The following ADAMTS17 variants were observed in gnomAD, a reference collection of about 807,000 sequenced individuals.
The protein encoded by ADAMTS17 is ADAM metallopeptidase with thrombospondin type 1 motif 17.
In ADAMTS17, 113 loss-of-function variants were observed where a neutral mutation model predicts 141.5. The ratio of observed to expected loss-of-function variants is 0.80; its 90% CI spans 0.69 to 0.93. The LOEUF is 0.93. Among genes scored for constraint, ADAMTS17 ranks in the 40% least tolerant of loss-of-function variants. ADAMTS17 has a pLI of 0.00. For missense variants in ADAMTS17, 1,659 were observed against 1,517.9 expected (o/e 1.09, Z -1.54); for synonymous variants, 768 against 630.6 (o/e 1.22, Z -3.27).
intron 8 of ADAMTS17, among the ~76,000 whole-genome samples, chr15:100,167,494 C>G (rs1425547044): frequency 6.6e-6 from 1 of 152,132 alleles, no homozygotes; most frequent in African/African-American, 2.4e-5. Context: ...ATTTCTTAGA[C>G]TTGAAGAGTC....
At chr15:100,167,494 C>T (rs1425547044) in intron 8 of ADAMTS17, among the ~76,000 whole-genome samples, 1 of 152,132 alleles carries the variant, frequency 6.6e-6, no homozygotes, top group African/African-American at 2.4e-5. Context: ...ATTTCTTAGA[C>T]TTGAAGAGTC....
chr15:100,223,247 C>T (rs551747547), intron 7 of ADAMTS17, among the ~76,000 whole-genome samples: 3 of 152,296 alleles, frequency 2.0e-5, no homozygotes, highest in South Asian at 4.1e-4. Flanking sequence ...ACTGCTGCCA[C>T]GTGGGGATGT....
chr15:100,133,403 T>C lies in ADAMTS17; in HGVS notation c.1474-88A>G, dbSNP rs1035013167. On this transcript the variant is annotated intron_variant, in intron 10 of 21. Transcript: ENST00000268070. ...GGTCAGAGGTGTGGCCCAACCACTG[T>C]TTCAAATTTGGGATTCGAAACGTAT... The C allele has an allele frequency of 3.6e-6, 5 of 1,372,350 alleles. No individual in the cohort carries two copies. In the African/African-American group the frequency reaches 5.8e-5, roughly 16 times the overall value. 85.0% of individuals were successfully genotyped at this position (1,372,350 alleles called of 1,614,324 possible).
At position 100,056,945 on chromosome 15, in the gene ADAMTS17, C is replaced by T. The variant is rs141087910; in HGVS notation, c.2138-2891G>A. 2.0e-3 allele frequency among the ~76,000 whole-genome samples: 308 copies of T among 152,044 alleles called. 1 individual carries two copies. The highest frequency in any genetic ancestry group is 6.7e-3 in the African/African-American group (278 of 41,484). ...TCCGGGGCCTGGGAATGTTGTGGGA[C>T]GGGGCAGATGGGGAAGGCTTCCTGG... is the stretch of plus-strand genomic sequence containing the variant. On this transcript the variant is annotated intron_variant, in intron 15 of 21. Transcript: ENST00000268070.
At chr15:100,319,225 T>C (rs1365653897) in intron 3 of ADAMTS17, among the ~76,000 whole-genome samples, 1 of 152,130 alleles carries the variant, frequency 6.6e-6, no homozygotes, top group Non-Finnish European at 1.5e-5. Context: ...AAGGACAGTG[T>C]CCTGTAAATG....
intron 8 of ADAMTS17, among the ~76,000 whole-genome samples, chr15:100,160,963 C>T (rs1398203487): frequency 6.6e-6 from 1 of 152,104 alleles, no homozygotes; most frequent in Non-Finnish European, 1.5e-5. Context: ...AAGTTTATGT[C>T]CCAGGGCATT....
At chr15:100,102,614 G>C (rs576471587) in intron 14 of ADAMTS17, among the ~76,000 whole-genome samples, 1 of 151,362 alleles carries the variant, frequency 6.6e-6, no homozygotes, top group Non-Finnish European at 1.5e-5. Flanking sequence ...TTTGAAGGCC[G>C]ACTGAAAGGG....
chr15:100,138,601 C>T (rs185313976), intron 10 of ADAMTS17, among the ~76,000 whole-genome samples: 2 of 152,110 alleles, frequency 1.3e-5, no homozygotes, highest in African/African-American at 2.4e-5. Flanking sequence ...AGAGGAAAGG[C>T]GGTGGGGAAT....
intron 3 of ADAMTS17, among the ~76,000 whole-genome samples, chr15:100,288,670 T>C (rs1208437606): frequency 2.0e-5 from 3 of 152,206 alleles, no homozygotes; most frequent in Admixed American, 2.0e-4. Flanking sequence ...TCAGTCACAC[T>C]GTCAGAACAG....
chr15:100,258,254 C>T (rs1210281278), intron 6 of ADAMTS17, among the ~76,000 whole-genome samples: 5 of 152,158 alleles, frequency 3.3e-5, no homozygotes, highest in Admixed American at 6.5e-5. Context: ...AGTGGGATCA[C>T]GTGGTAACTC....
At chr15:100,171,580 G>T (rs1383868273) in intron 8 of ADAMTS17, among the ~76,000 whole-genome samples, 1 of 152,148 alleles carries the variant, frequency 6.6e-6, no homozygotes, top group Non-Finnish European at 1.5e-5. Context: ...GGCGGGCCCA[G>T]CTTGCAGGTC....
At chr15:100,254,042 G>A in intron 7 of ADAMTS17, 94 bp downstream of exon 7, 1 of 1,233,582 alleles carries the variant, frequency 8.1e-7, no homozygotes, top group Non-Finnish European at 1.2e-6. Flanking sequence ...TGCAGTGCTT[G>A]TTTGAGGACA....
intron 20 of ADAMTS17, among the ~76,000 whole-genome samples, chr15:99,977,059 G>A (rs997508214): frequency 1.3e-5 from 2 of 152,104 alleles, no homozygotes; most frequent in East Asian, 1.9e-4. Flanking sequence ...TGGGCATGGA[G>A]AAGAGCCCAG....
intron 3 of ADAMTS17, among the ~76,000 whole-genome samples, chr15:100,322,744 C>T (rs1405423001): frequency 1.3e-5 from 2 of 152,186 alleles, no homozygotes; most frequent in African/African-American, 4.8e-5. Context: ...ACTGACACTA[C>T]TTAAAAAATG....
intron 15 of ADAMTS17, among the ~76,000 whole-genome samples, chr15:100,060,352 A>T (rs1005067305): frequency 1.3e-5 from 2 of 152,142 alleles, no homozygotes; most frequent in Non-Finnish European, 2.9e-5. Flanking sequence ...AATGAGCTGG[A>T]GTGTGAGGTT....
At chr15:100,233,335 A>G (rs986949662) in intron 7 of ADAMTS17, among the ~76,000 whole-genome samples, 3 of 151,928 alleles carry the variant, frequency 2.0e-5, no homozygotes, top group Non-Finnish European at 4.4e-5. Flanking sequence ...CATCTCAAAA[A>G]AAAAAAAAAT....
intron 14 of ADAMTS17, among the ~76,000 whole-genome samples, chr15:100,103,542 C>T (rs918413848): frequency 6.6e-6 from 1 of 151,750 alleles, no homozygotes; most frequent in African/African-American, 2.4e-5. Context: ...CACTGAAATC[C>T]TAAGAACACA....
In ADAMTS17 at chr15:100,152,653, T is replaced by C. The variant is rs531412790; in HGVS notation, c.1432A>G (p.Ile478Val). Residue 478 changes from isoleucine (I) to valine (V), a missense_variant, in exon 10 of 22, where the codon ATC becomes GTC. Coordinates refer to ENST00000268070, the MANE Select transcript of ADAMTS17 (RefSeq NM_139057.4). ...AAGGTGGCATTCATGCCAAACAGGA[T>C]CTGGCACTGCTCGTTGGCACTGTAG... is the stretch of plus-strand genomic sequence containing the variant. ...MHYSANEQCQ[I>V]LFGMNATFCR... 2 of 1,614,108 alleles carry C rather than the reference T, an allele frequency of 1.2e-6. No homozygotes were observed. The highest frequency in any genetic ancestry group is 2.2e-5 in the South Asian group (2 of 91,086).
At chr15:100,052,099 C>A (rs978857349) in intron 16 of ADAMTS17, among the ~76,000 whole-genome samples, 3 of 152,248 alleles carry the variant, frequency 2.0e-5, no homozygotes, top group Non-Finnish European at 4.4e-5. Context: ...ACCCACAAAG[C>A]TGCCCTTGCA....
Sources: gnomAD v4.1 joint callset for allele counts (sites outside exome capture counted in the v4.1 genomes callset) on GRCh38, gnomAD v4.1.1 for gene constraint, MANE v1.5 for transcripts, NCBI Gene and HGNC (gene_info 2026-07-23, HGNC 2026-07-21) for gene names.